The following RGS12 variants were observed in gnomAD, a reference collection of about 807,000 sequenced individuals.
The protein encoded by RGS12 is regulator of G-protein signaling 12.
RGS12 carries 66 observed loss-of-function variants against 120.1 expected under a neutral mutation model. The ratio of observed to expected loss-of-function variants is 0.55; its 90% confidence interval spans 0.45 to 0.67. The LOEUF (loss-of-function observed/expected upper bound fraction) is 0.67, where lower values mean the gene tolerates loss of function less well. Ranked by LOEUF, RGS12 falls within the 30% of genes least tolerant of loss-of-function variation. RGS12 has a pLI of 0.00. For synonymous variants in RGS12, 827 were observed against 804.7 expected (o/e 1.03, Z -0.47); for missense variants, 1,859 against 1,957.7 (o/e 0.95, Z 0.95).
rs113952495 is a variant in RGS12, at chr4:3,368,572, T to G, written c.1999-17844T>G. On this transcript the variant is annotated intron_variant, in intron 3 of 17. Coordinates refer to ENST00000336727, the MANE Select transcript of RGS12 (RefSeq NM_001394154.1). ...TGTGTGGGGTGCATGTGTGTGTGTGTGGGGTGCCTGTGTGTGTGCCTGTGT... is the reference window on the plus strand; with the variant it reads ...TGTGTGGGGTGCATGTGTGTGTGTGGGGGGTGCCTGTGTGTGTGCCTGTGT... Among the ~76,000 whole-genome samples, 340 of 76,182 alleles carry G rather than the reference T, an allele frequency of 4.5e-3. 4 individuals are homozygous for G. The highest frequency in any genetic ancestry group is 0.016 in the African/African-American group (319 of 19,346). The allele number at this position is 76,182 out of a possible 152,430, so 50.0% of individuals were successfully genotyped here. A position where few individuals can be genotyped will look rare whatever the true frequency, so the allele number is the denominator to read the frequency against.
At chr4:3,383,543 G>T (rs1718486454) in intron 3 of RGS12, among the ~76,000 whole-genome samples, 1 of 151,964 alleles carries the variant, frequency 6.6e-6, no homozygotes, top group South Asian at 2.1e-4. Context: ...GAGGATTGAG[G>T]CTGCAATGAG....
intron 1 of RGS12, among the ~76,000 whole-genome samples, chr4:3,293,343 G>A (rs1359799659): frequency 1.4e-5 from 2 of 145,526 alleles, no homozygotes; most frequent in Non-Finnish European, 3.1e-5. Context: ...GGGCGGCGCG[G>A]GGCGCGGGCC....
chr4:3,412,022 T>C (rs1464601627), intron 4 of RGS12, among the ~76,000 whole-genome samples: 2 of 152,280 alleles, frequency 1.3e-5, no homozygotes, highest in East Asian at 3.8e-4. Context: ...CTATAACAGA[T>C]CAACAGCATG....
chr4:3,333,051 CTTT>C (rs557032927), intron 2 of RGS12, among the ~76,000 whole-genome samples: 2 of 124,990 alleles, frequency 1.6e-5, no homozygotes. Context: ...GTCTCAAACT[CTTT>C]TTTTTTTTTT....
chr4:3,416,431 G>A (rs1341319491), intron 7 of RGS12, among the ~76,000 whole-genome samples: 2 of 152,186 alleles, frequency 1.3e-5, no homozygotes, highest in Admixed American at 6.6e-5. Flanking sequence ...GGGGGATGGC[G>A]CATCTGCGTT....
intron 17 of RGS12, chr4:3,432,223 T>G (rs534502454): frequency 1.1e-6 from 1 of 931,556 alleles, no homozygotes; most frequent in South Asian, 5.0e-5. Context: ...GTTTCCACTT[T>G]AGAAAATAAT....
chr4:3,302,660 C>T (rs935018654), intron 1 of RGS12, among the ~76,000 whole-genome samples: 3 of 152,198 alleles, frequency 2.0e-5, no homozygotes, highest in Admixed American at 6.5e-5. Context: ...TGTGGGGTGA[C>T]GTCTCTGTGC....
rs933298982 is a variant in RGS12 at position 3,372,471 on chromosome 4, C to T, written c.1999-13945C>T. Among the ~76,000 whole-genome samples the T allele has an allele frequency of 3.9e-5, 6 of 152,224 alleles. No homozygotes were observed. Among genetic ancestry groups the T allele is most frequent in the South Asian group, 2.1e-4 (1 of 4,832 alleles). On this transcript the variant is annotated intron_variant, in intron 3 of 17. Coordinates refer to ENST00000336727, the MANE Select transcript of RGS12 (RefSeq NM_001394154.1). The surrounding 1 kb of genome is among the most constrained non-coding windows in gnomAD (Gnocchi z 4.3). ...ACAAGCATGACAGTTGTCGCGGAGCCGCCCGAGCTGTTGGCTTCCCCGATG... is the reference window on the plus strand; with the variant it reads ...ACAAGCATGACAGTTGTCGCGGAGCTGCCCGAGCTGTTGGCTTCCCCGATG...
chr4:3,329,850 G>T (rs899943935), intron 2 of RGS12, among the ~76,000 whole-genome samples: 2 of 142,290 alleles, frequency 1.4e-5, no homozygotes, highest in Admixed American at 1.4e-4. Context: ...TGAGGAAGGA[G>T]TAAGAGAAGG....
intron 4 of RGS12, among the ~76,000 whole-genome samples, chr4:3,388,467 C>A (rs936590278): frequency 6.6e-6 from 1 of 152,222 alleles, no homozygotes; most frequent in Non-Finnish European, 1.5e-5. Flanking sequence ...TGTAGGGCAC[C>A]GAGGCAGAGT....
chr4:3,329,766 A>G (rs569717291), intron 2 of RGS12, among the ~76,000 whole-genome samples: 38 of 152,338 alleles, frequency 2.5e-4, no homozygotes, highest in African/African-American at 8.7e-4. Context: ...ATATAAAATA[A>G]AGGTACATTT....
chr4:3,397,698 A>G (rs1577046338), intron 4 of RGS12, among the ~76,000 whole-genome samples: 1 of 152,216 alleles, frequency 6.6e-6, no homozygotes, highest in South Asian at 2.1e-4. Context: ...TCTACTGGAG[A>G]TATTGTGTAG....
chr4:3,330,616 T>C (rs1438908580), intron 2 of RGS12, among the ~76,000 whole-genome samples: 2 of 152,106 alleles, frequency 1.3e-5, no homozygotes, highest in Admixed American at 1.3e-4. Flanking sequence ...CTGTTGACAA[T>C]GGAGTAAAAA....
chr4:3,435,081 CAG>C (rs896056023), intron 17 of RGS12, among the ~76,000 whole-genome samples: 2 of 152,128 alleles, frequency 1.3e-5, no homozygotes, highest in Non-Finnish European at 2.9e-5. Flanking sequence ...TGGGCGGGCT[CAG>C]GGGTCACTCA....
intron 1 of RGS12, among the ~76,000 whole-genome samples, chr4:3,309,942 G>T (rs58672522): frequency 8.4e-5 from 11 of 131,332 alleles, no homozygotes; most frequent in African/African-American, 1.5e-4. Context: ...GCAGGTGTCC[G>T]CTGAGGGGAA....
intron 1 of RGS12, among the ~76,000 whole-genome samples, chr4:3,298,104 C>G (rs1313916069): frequency 6.6e-6 from 1 of 152,176 alleles, no homozygotes; most frequent in Non-Finnish European, 1.5e-5. Context: ...TCTCCTGCCT[C>G]AAGCTCATAG....
upstream of RGS12, among the ~76,000 whole-genome samples, chr4:3,290,089 T>C (rs1372980752): frequency 6.6e-6 from 1 of 152,222 alleles, no homozygotes; most frequent in South Asian, 2.1e-4. Flanking sequence ...ATCCCGGCTA[T>C]TGTGAGTGGT....
intron 4 of RGS12, among the ~76,000 whole-genome samples, chr4:3,393,577 A>G (rs1170150566): frequency 6.6e-6 from 1 of 151,622 alleles, no homozygotes; most frequent in Non-Finnish European, 1.5e-5. Flanking sequence ...TCACCTTATT[A>G]ATTTTTTCAT....
At chr4:3,384,318 C>T (rs1165081052) in intron 3 of RGS12, among the ~76,000 whole-genome samples, 1 of 151,898 alleles carries the variant, frequency 6.6e-6, no homozygotes, top group East Asian at 1.9e-4. Flanking sequence ...CCACGCTCGG[C>T]TAATTTTTAT....
Sources: allele counts gnomAD v4.1 joint callset (sites outside exome capture counted in the v4.1 genomes callset), GRCh38; gene constraint gnomAD v4.1.1; non-coding constraint Gnocchi (gnomAD v3.1); transcripts MANE v1.5; gene names NCBI Gene and HGNC (gene_info 2026-07-23, HGNC 2026-07-21).